The following NPHP1 variants were observed in gnomAD, a reference collection of about 807,000 sequenced individuals.
NPHP1 encodes nephrocystin-1.
In NPHP1, 70 loss-of-function variants were observed where a neutral mutation model predicts 90.4. That is an observed-to-expected ratio of 0.77 (90% CI 0.64 to 0.95). NPHP1 has a LOEUF of 0.95. NPHP1 is among the 40% of genes least tolerant of loss of function. NPHP1 has a pLI of 0.00. For missense variants in NPHP1, 764 were observed against 795.9 expected, an observed-to-expected ratio of 0.96 and a Z score of 0.48; for synonymous variants, 256 against 271.7, an observed-to-expected ratio of 0.94 and a Z score of 0.57.
rs769509705 is a variant in NPHP1, at chr2:110,169,868, C to T, written c.460G>A (p.Gly154Ser). The change falls in exon 5 of 20, where the codon GGT (glycine) becomes AGT (serine). Residue 154 changes from glycine (G) to serine (S), a missense_variant. By Grantham distance (56) the Gly-to-Ser change is moderately conservative. Transcript: ENST00000445609. ...EENESHKWST[G>S]EEYIAVGDFT... ...TCTCCAACAGCGATGTATTCTTCACCGGTTGACCATTTGTGAGATTCATTT... is the reference window on the plus strand; with the variant it reads ...TCTCCAACAGCGATGTATTCTTCACTGGTTGACCATTTGTGAGATTCATTT... 2.1e-5 allele frequency: 34 copies of T among 1,613,516 alleles called. No homozygotes were observed. Among genetic ancestry groups the T allele is most frequent in the Admixed American group, 2.0e-4 (12 of 59,994 alleles).
At chr2:110,184,860 T>TCAGGGCCAGA in intron 2 of NPHP1, 1 of 700,942 alleles carries the variant, frequency 1.4e-6, no homozygotes, top group Non-Finnish European at 2.7e-6. Context: ...CCTGAGCTGC[T>TCAGGGCCAGA]CTTCAGGCCA....
At position 110,169,924 on chromosome 2, in the gene NPHP1, T is replaced by C. The variant is rs747176517; in HGVS notation, c.404A>G (p.Asp135Gly). The C allele has an allele frequency of 4.4e-6, 7 of 1,606,592 alleles. No individual in the cohort carries two copies. The highest frequency in any genetic ancestry group is 6.0e-6 in the Non-Finnish European group (7 of 1,173,326). ...TTTCTCTTCCTCTTCCTCCTCTGCA[T>C]CTTCTTCCTCCCCACCACTGTCTTC... Reference protein sequence around the residue: ...DSEDSGGEEEDAEEEEEEKEE... With the variant: ...DSEDSGGEEEGAEEEEEEKEE... The change falls in exon 5 of 20, where the codon GAT (aspartate) becomes GGT (glycine). Residue 135 changes from aspartate to glycine, a missense_variant. Asp to Gly is a moderately conservative substitution (Grantham distance 94). Transcript: ENST00000445609.
chr2:110,170,146 C>G, intron 4 of NPHP1, 148 bp from the exon 5 acceptor site: 1 of 1,126,394 alleles, frequency 8.9e-7, no homozygotes. Context: ...ACAGTTTCTA[C>G]CATCTAGCTA....
intron 2 of NPHP1, among the ~76,000 whole-genome samples, chr2:110,193,496 G>T (rs1361535387): frequency 6.6e-6 from 1 of 152,110 alleles, no homozygotes; most frequent in Non-Finnish European, 1.5e-5. Flanking sequence ...GGAGCACCCA[G>T]ATTCATAAAG....
intron 6 of NPHP1, 27 bp from the exon 7 acceptor site, chr2:110,165,182 C>T (rs1559076937): frequency 6.4e-7 from 1 of 1,553,360 alleles, no homozygotes; most frequent in Admixed American, 1.7e-5. Context: ...ATGTGAAGTG[C>T]TTTTTAACTA....
At chr2:110,139,353 A>T (rs1280875699) in intron 16 of NPHP1, among the ~76,000 whole-genome samples, 1 of 152,160 alleles carries the variant, frequency 6.6e-6, no homozygotes, top group Non-Finnish European at 1.5e-5. Context: ...GTCAAATCAC[A>T]TCAAGTTAAA....
chr2:110,184,542 G>A, intron 2 of NPHP1: 1 of 1,288,766 alleles, frequency 7.8e-7, no homozygotes, highest in Non-Finnish European at 1.1e-6. Flanking sequence ...TTCTGGGGAT[G>A]GCATCACCCA....
intron 4 of NPHP1, among the ~76,000 whole-genome samples, chr2:110,174,630 A>C (rs1683380301): frequency 6.6e-6 from 1 of 152,108 alleles, no homozygotes; most frequent in Non-Finnish European, 1.5e-5. Context: ...CCTCCTAATT[A>C]ATACTCACAG....
chr2:110,125,099 C>G (rs552747776), intron 19 of NPHP1: 94 of 1,231,060 alleles, frequency 7.6e-5, no homozygotes, highest in Non-Finnish European at 1.0e-4. Flanking sequence ...GTGACAGAGA[C>G]CACAAGACCT....
intron 4 of NPHP1, among the ~76,000 whole-genome samples, chr2:110,175,494 G>T (rs1683444274): frequency 6.6e-6 from 1 of 151,998 alleles, no homozygotes; most frequent in Non-Finnish European, 1.5e-5. Context: ...TGAGTTGATG[G>T]TTTCTTCTTT....
chr2:110,136,987 T>A (rs1559050697), intron 16 of NPHP1, among the ~76,000 whole-genome samples: 1 of 152,134 alleles, frequency 6.6e-6, no homozygotes, highest in Non-Finnish European at 1.5e-5. Context: ...TATAGACCTA[T>A]GGAACAGAAC....
chr2:110,133,745 TAAATATGTGG>T (rs1459556742), intron 16 of NPHP1, among the ~76,000 whole-genome samples: 1 of 150,466 alleles, frequency 6.6e-6, no homozygotes, highest in Non-Finnish European at 1.5e-5. Context: ...GGAAAACACA[TAAATATGTGG>T]AAATTAAACA....
Position 110,165,043 on chromosome 2 carries a change from C to T in NPHP1, c.728+9G>A, listed in dbSNP as rs1280756117. 3.7e-6 allele frequency: 6 copies of T among 1,604,800 alleles called. No individual in the cohort carries two copies. The highest frequency in any genetic ancestry group is 1.7e-6 in the Non-Finnish European group (2 of 1,171,740). On this transcript the variant is annotated intron_variant, in intron 7 of 19. Coordinates refer to ENST00000445609, the MANE Select transcript of NPHP1 (RefSeq NM_001128178.3). Reference sequence around the variant, plus strand: ...AAACCTACTTTGATATCCTTTCCCACTTTTGTACCTTTGCTTAACTTCTGC... The same window carrying T: ...AAACCTACTTTGATATCCTTTCCCATTTTTGTACCTTTGCTTAACTTCTGC...
chr2:110,184,760 C>A, intron 2 of NPHP1: 2 of 714,400 alleles, frequency 2.8e-6, no homozygotes, highest in Admixed American at 1.8e-5. Context: ...CATAAACCCC[C>A]AGAAGGAAGA....
At chr2:110,190,499 C>T (rs1017079964) in intron 2 of NPHP1, among the ~76,000 whole-genome samples, 3 of 152,200 alleles carry the variant, frequency 2.0e-5, no homozygotes, top group Non-Finnish European at 2.9e-5. Flanking sequence ...GCAGAGTCCA[C>T]GGAGCCCACG....
intron 5 of NPHP1, 104 bp downstream of exon 5, chr2:110,169,702 C>A (rs1682975846): frequency 7.7e-6 from 6 of 780,940 alleles, no homozygotes; most frequent in Admixed American, 3.7e-5. Context: ...TGTTATAAAA[C>A]TGCATTTTAA....
chr2:110,142,796 T>C (rs960341098), intron 16 of NPHP1, among the ~76,000 whole-genome samples: 4 of 152,224 alleles, frequency 2.6e-5, no homozygotes, highest in African/African-American at 9.6e-5. Context: ...TCATTGAATC[T>C]GTACTGAAGT....
In NPHP1 at chr2:110,187,200, T is replaced by A. The variant is rs544667731; in HGVS notation, c.144-7516A>T. On this transcript the variant is annotated intron_variant, in intron 2 of 19. Coordinates refer to ENST00000445609, the MANE Select transcript of NPHP1 (RefSeq NM_001128178.3). Reference sequence around the variant, plus strand: ...AGCTGAACTGAAGGAGATAGAGACATGAAAAACCCTACAAAGAACAAATTC... The same window carrying A: ...AGCTGAACTGAAGGAGATAGAGACAAGAAAAACCCTACAAAGAACAAATTC... 2.4e-4 allele frequency among the ~76,000 whole-genome samples: 36 copies of A among 151,644 alleles called. 1 individual carries two copies. In the South Asian group the frequency reaches 7.1e-3, roughly 30 times the overall value.
chr2:110,129,700 G>A (rs1679643383), intron 17 of NPHP1, among the ~76,000 whole-genome samples: 1 of 152,200 alleles, frequency 6.6e-6, no homozygotes, highest in Admixed American at 6.5e-5. Flanking sequence ...CAGGCCACCA[G>A]CGCTCAGGGA....
Sources: gnomAD v4.1 joint callset for allele counts (sites outside exome capture counted in the v4.1 genomes callset) on GRCh38, gnomAD v4.1.1 for gene constraint, MANE v1.5 for transcripts, NCBI Gene and HGNC (gene_info 2026-07-23, HGNC 2026-07-21) for gene names.